FOXK2: variants seen among roughly 807,000 people sequenced by gnomAD.
FOXK2 encodes the protein forkhead box K2, also known as forkhead box protein K2.
A neutral mutation model predicts 53.3 loss-of-function variants in FOXK2; 24 were observed. The ratio of observed to expected loss-of-function variants is 0.45; its 90% CI spans 0.33 to 0.63. FOXK2 has a LOEUF of 0.63. FOXK2 is among the 30% of genes least tolerant of loss of function. The pLI is 0.03. For missense variants in FOXK2, 952 were observed against 910.5 expected (o/e 1.05, Z -0.59); for synonymous variants, 505 against 407.1 (o/e 1.24, Z -2.89).
chr17:82,568,781 G>T (rs960434998), intron 3 of FOXK2, among the ~76,000 whole-genome samples: 2 of 152,132 alleles, frequency 1.3e-5, no homozygotes, highest in Admixed American at 6.5e-5. Flanking sequence ...AGGCCAAGGC[G>T]GGGGGATCAC....
intron 1 of FOXK2, among the ~76,000 whole-genome samples, chr17:82,562,030 A>G (rs1406949817): frequency 2.6e-5 from 4 of 152,358 alleles, no homozygotes; most frequent in East Asian, 1.9e-4. Flanking sequence ...TGGACATACA[A>G]ATAGGCTGTT....
chr17:82,541,763 T>G (rs2044576970), intron 1 of FOXK2, among the ~76,000 whole-genome samples: 1 of 152,076 alleles, frequency 6.6e-6, no homozygotes, highest in Non-Finnish European at 1.5e-5. Context: ...CAGGCTGGAG[T>G]GCAGTGGTGC....
chr17:82,603,327 A>AGTT lies in FOXK2; in HGVS notation c.*1829_*1831dup, dbSNP rs1469343953. ...TTGTCTTCTTACTCAGAAGGTTTGCAGTTTGTAAAATAATCAGGATTCTGC... is the reference window on the plus strand; with the variant it reads ...TTGTCTTCTTACTCAGAAGGTTTGCAGTTGTTTGTAAAATAATCAGGATTCTGC... On this transcript the variant is annotated 3_prime_UTR_variant, in exon 9 of 9. Coordinates refer to ENST00000335255, the MANE Select transcript of FOXK2 (RefSeq NM_004514.4). The AGTT allele has an allele frequency of 6.6e-6, 1 of 152,240 alleles. No homozygotes were observed. The allele number at this position is 152,240 out of a possible 1,614,324, so 9.4% of individuals were successfully genotyped here.
chr17:82,527,196 G>C (rs1204245506), intron 1 of FOXK2, among the ~76,000 whole-genome samples: 3 of 152,110 alleles, frequency 2.0e-5, no homozygotes, highest in African/African-American at 7.2e-5. Flanking sequence ...CAAATCAGTT[G>C]CCTTTAATAA....
chr17:82,569,650 G>GA (rs576454045), intron 3 of FOXK2, among the ~76,000 whole-genome samples: 8 of 152,106 alleles, frequency 5.3e-5, no homozygotes, highest in East Asian at 1.9e-4. Context: ...TAGAAACATA[G>GA]AAAAAAATCA....
Position 82,535,490 on chromosome 17 carries a change from G to C in FOXK2, c.419+15183G>C, listed in dbSNP as rs566165919. Among the ~76,000 whole-genome samples, 8 of 152,104 alleles carry C rather than the reference G, an allele frequency of 5.3e-5. 1 individual carries two copies. Among genetic ancestry groups the C allele is most frequent in the African/African-American group, 1.7e-4 (7 of 41,430 alleles). The stretch of plus-strand genomic sequence containing the variant: ...CTCACAGGTCCTTTAGGCTCTGCTC[G>C]TCTTCTTTGTTCTTTCTCCTTTCTG... On this transcript the variant is annotated intron_variant, in intron 1 of 8. Transcript: ENST00000335255.
At chr17:82,585,757 A>G (rs1427032959) in intron 6 of FOXK2, 147 bp from the exon 7 acceptor site, 5 of 757,726 alleles carry the variant, frequency 6.6e-6, no homozygotes, top group South Asian at 1.9e-5. Flanking sequence ...CCTCATTATT[A>G]GTAACTTTAC....
At chr17:82,543,004 G>A (rs927142410) in intron 1 of FOXK2, among the ~76,000 whole-genome samples, 1 of 152,110 alleles carries the variant, frequency 6.6e-6, no homozygotes, top group East Asian at 1.9e-4. Context: ...ATGAATAAAC[G>A]AATGAATGGT....
chr17:82,562,087 G>A (rs1178956073), intron 1 of FOXK2, among the ~76,000 whole-genome samples: 2 of 152,216 alleles, frequency 1.3e-5, no homozygotes, highest in Admixed American at 6.5e-5. Flanking sequence ...CAGAGTCTAT[G>A]GCTATTTTTA....
At chr17:82,576,288 A>G (rs2044985036) in intron 4 of FOXK2, among the ~76,000 whole-genome samples, 2 of 151,860 alleles carry the variant, frequency 1.3e-5, no homozygotes, top group Admixed American at 1.3e-4. Context: ...CGTCCACACC[A>G]GCGTGTGTGC....
In FOXK2 at chr17:82,597,523, G is replaced by A. The variant is rs564065311; in HGVS notation, c.1787-3780G>A. The stretch of plus-strand genomic sequence containing the variant: ...TGAGACCTCTGCTTCAGGGCCGGGC[G>A]TGTTAGCACAGCCCCTCTGCTGTTA... On this transcript the variant is annotated intron_variant, in intron 8 of 8. Coordinates refer to ENST00000335255, the MANE Select transcript of FOXK2 (RefSeq NM_004514.4). Among the ~76,000 whole-genome samples the A allele has an allele frequency of 9.2e-5, 14 of 152,332 alleles. No individual in the cohort carries two copies. In the South Asian group the frequency reaches 1.2e-3, roughly 14 times the overall value.
intron 6 of FOXK2, 112 bp from the exon 7 acceptor site, chr17:82,585,792 A>T: frequency 9.5e-7 from 1 of 1,050,192 alleles, no homozygotes. Context: ...ATAGGGCCAT[A>T]TCCTATATTT....
intron 4 of FOXK2, among the ~76,000 whole-genome samples, chr17:82,573,107 C>T (rs566499690): frequency 3.3e-4 from 50 of 152,104 alleles, no homozygotes; most frequent in African/African-American, 1.2e-3. Context: ...GTGGGAGGAT[C>T]ACCTGAGCCC....
chr17:82,565,016 C>T (rs993533411), intron 2 of FOXK2, among the ~76,000 whole-genome samples: 1 of 152,080 alleles, frequency 6.6e-6, no homozygotes, highest in African/African-American at 2.4e-5. Flanking sequence ...AGGCGTGAGC[C>T]ACCACGCCTG....
At chr17:82,564,842 A>T (rs56979318) in intron 2 of FOXK2, among the ~76,000 whole-genome samples, 66,559 of 150,940 alleles carry the variant, frequency 0.44, 14,841 homozygotes, top group South Asian at 0.56. Context: ...GCGATTCTCA[A>T]GCCTCAGTCT....
intron 8 of FOXK2, chr17:82,600,377 T>TCAG (rs1555644678): frequency 9.2e-5 from 14 of 151,914 alleles, no homozygotes; most frequent in Admixed American, 9.2e-4. Flanking sequence ...GGGGAAAGAG[T>TCAG]CAGTGCTGGA....
Position 82,563,500 on chromosome 17 carries a change from C to G in FOXK2, c.566C>G (p.Thr189Ser). The change falls in exon 2 of 9, where the codon ACC becomes AGC. Residue 189 changes from threonine (T) to serine (S), a missense_variant. Around this residue, in one of 5 missense-constraint regions of FOXK2, gnomAD observed 76 missense variants for 128.2 expected, o/e 0.59. Coordinates refer to ENST00000335255, the MANE Select transcript of FOXK2 (RefSeq NM_004514.4). ...ISPLTINIPD[T>S]MAHLISPLPS... ...CCCCTGACCATCAACATTCCAGACA[C>G]CATGGCCCACCTCATCAGCCCTCTG... The G allele has an allele frequency of 6.2e-7, 1 of 1,614,094 alleles. No homozygotes were observed. Among genetic ancestry groups the G allele is most frequent in the South Asian group, 1.1e-5 (1 of 91,084 alleles).
chr17:82,590,292 C>T (rs2045239970), intron 8 of FOXK2, among the ~76,000 whole-genome samples: 1 of 152,150 alleles, frequency 6.6e-6, no homozygotes, highest in South Asian at 2.1e-4. Context: ...AACCACTGCA[C>T]AGGTGCTCAT....
chr17:82,601,547 A>T lies in FOXK2; in HGVS notation c.*48A>T, dbSNP rs2045385492. 2 of 1,533,362 alleles carry T rather than the reference A, an allele frequency of 1.3e-6. No individual in the cohort carries two copies. Among genetic ancestry groups the T allele is most frequent in the Non-Finnish European group, 1.8e-6 (2 of 1,138,266 alleles). The allele number at this position is 1,533,362 out of a possible 1,614,324, so 95.0% of individuals were successfully genotyped here. On this transcript the variant is annotated 3_prime_UTR_variant, in exon 9 of 9. Transcript: ENST00000335255. ...ACGATATCAACTCTGTGGTGCCAAAAGGAGACGCGGCCTCCCGCCAGCACT... is the reference window on the plus strand; with the variant it reads ...ACGATATCAACTCTGTGGTGCCAAATGGAGACGCGGCCTCCCGCCAGCACT...
Sources: allele counts gnomAD v4.1 joint callset (sites outside exome capture counted in the v4.1 genomes callset), GRCh38; gene constraint gnomAD v4.1.1; regional missense constraint gnomAD v4.1.1; transcripts MANE v1.5; gene names NCBI Gene and HGNC (gene_info 2026-07-23, HGNC 2026-07-21).